OSBPL10: variants seen among roughly 807,000 people sequenced by gnomAD.
OSBPL10 encodes oxysterol binding protein like 10, also known as oxysterol-binding protein-related protein 10.
Under a neutral mutation model 81.7 loss-of-function variants are expected in OSBPL10, and 49 were observed. The observed-to-expected ratio is 0.60, with a 90% CI of 0.48 to 0.76. The LOEUF (loss-of-function observed/expected upper bound fraction) is 0.76, where lower values mean the gene tolerates loss of function less well. OSBPL10 is among the 30% of genes least tolerant of loss of function. The pLI is 0.00. For synonymous variants in OSBPL10, 419 were observed against 383.6 expected (o/e 1.09, Z -1.08); for missense variants, 923 against 987.8 (o/e 0.93, Z 0.88).
Position 31,997,900 on chromosome 3 carries a change from A to G in OSBPL10, n.298+48591T>C, listed in dbSNP as rs372974617. Among the ~76,000 whole-genome samples the G allele has an allele frequency of 6.6e-5, 10 of 151,998 alleles. No homozygotes were observed. The East Asian group carries it at 1.2e-3, about 18-fold the overall frequency. On this transcript the variant is annotated intron_variant and non_coding_transcript_variant, in intron 2 of 3. Coordinates refer to the OSBPL10 transcript ENST00000479173. ...CATCCTGGGCTCAAGCAATCCTCCC[A>G]CCTTAGCCTCCCGAGTAGCTGGGAC...
chr3:31,930,201 G>A (rs1402486066), intron 1 of OSBPL10, among the ~76,000 whole-genome samples: 1 of 151,560 alleles, frequency 6.6e-6, no homozygotes, highest in East Asian at 1.9e-4. Flanking sequence ...CACAGATAAG[G>A]ATATATATAC....
At chr3:31,934,653 C>T (rs1395607660) in intron 1 of OSBPL10, among the ~76,000 whole-genome samples, 4 of 151,258 alleles carry the variant, frequency 2.6e-5, no homozygotes, top group South Asian at 2.1e-4. Flanking sequence ...GTGATCCACC[C>T]GCCTCGGCCT....
intron 8 of OSBPL10, among the ~76,000 whole-genome samples, chr3:31,681,720 G>T (rs147410678): frequency 6.6e-6 from 1 of 151,982 alleles, no homozygotes; most frequent in Non-Finnish European, 1.5e-5. Context: ...CAGTCTCCTC[G>T]GCTGGCTGTT....
intron 1 of OSBPL10, among the ~76,000 whole-genome samples, chr3:31,919,755 A>T (rs1363264061): frequency 6.6e-6 from 1 of 152,238 alleles, no homozygotes; most frequent in Non-Finnish European, 1.5e-5. Context: ...TTTGCTGAGT[A>T]AATAGCAATC....
At chr3:31,944,980 G>A (rs555508729) in intron 1 of OSBPL10, among the ~76,000 whole-genome samples, 62 of 150,276 alleles carry the variant, frequency 4.1e-4, no homozygotes, top group Admixed American at 1.0e-3. Flanking sequence ...GTGAAACCCC[G>A]TCTCTACTAA....
intron 2 of OSBPL10, among the ~76,000 whole-genome samples, chr3:32,042,254 C>A (rs1699582774): frequency 1.3e-5 from 2 of 152,160 alleles, no homozygotes; most frequent in South Asian, 4.1e-4. Flanking sequence ...AGTTAAGGAC[C>A]CAGACATGGC....
rs529285234 is a variant in OSBPL10 at position 31,872,319 on chromosome 3, A to G, written c.537+4114T>C. Among the ~76,000 whole-genome samples, 694 of 152,356 alleles carry G rather than the reference A, an allele frequency of 4.6e-3. 2 individuals are homozygous for G. Among genetic ancestry groups the G allele is most frequent in the African/African-American group, 0.016 (645 of 41,586 alleles). ...GATGTCAGAGCAAGGACAAGAAAGCAGGAGACCCAGGTTCCAGTCTTAGCA... is the reference window on the plus strand; with the variant it reads ...GATGTCAGAGCAAGGACAAGAAAGCGGGAGACCCAGGTTCCAGTCTTAGCA... On this transcript the variant is annotated intron_variant, in intron 3 of 11. Transcript: ENST00000396556.
intron 2 of OSBPL10, among the ~76,000 whole-genome samples, chr3:32,040,544 C>T (rs920883812): frequency 7.3e-5 from 11 of 151,546 alleles, no homozygotes; most frequent in African/African-American, 2.7e-4. Context: ...GGAGTAAAGT[C>T]CAGTAGATAG....
chr3:31,892,805 A>T (rs1470307711), intron 1 of OSBPL10, among the ~76,000 whole-genome samples: 1 of 152,198 alleles, frequency 6.6e-6, no homozygotes, highest in Non-Finnish European at 1.5e-5. Context: ...TGGGAAGACC[A>T]GGGGCTCCAC....
chr3:31,781,390 T>C (rs1698691691), intron 4 of OSBPL10, among the ~76,000 whole-genome samples: 1 of 152,182 alleles, frequency 6.6e-6, no homozygotes, highest in African/African-American at 2.4e-5. Flanking sequence ...GCATTCCCCC[T>C]GAGAACTGGA....
intron 1 of OSBPL10, among the ~76,000 whole-genome samples, chr3:31,919,191 C>T (rs1403974247): frequency 6.6e-6 from 1 of 152,198 alleles, no homozygotes; most frequent in African/African-American, 2.4e-5. Flanking sequence ...TTCTTTGCCT[C>T]TTACACAGAT....
At chr3:31,798,671 A>G (rs1434746308) in intron 4 of OSBPL10, among the ~76,000 whole-genome samples, 1 of 152,124 alleles carries the variant, frequency 6.6e-6, no homozygotes, top group Non-Finnish European at 1.5e-5. Flanking sequence ...ATGCCAACAT[A>G]ATCTACCTTC....
At chr3:31,745,266 C>G (rs995002509) in intron 5 of OSBPL10, among the ~76,000 whole-genome samples, 2 of 152,170 alleles carry the variant, frequency 1.3e-5, no homozygotes, top group African/African-American at 2.4e-5. Flanking sequence ...ACTGTGCTGT[C>G]TTTAGAGGAG....
intron 1 of OSBPL10, among the ~76,000 whole-genome samples, chr3:31,924,283 G>A (rs1367905529): frequency 1.3e-5 from 2 of 151,956 alleles, no homozygotes; most frequent in South Asian, 2.1e-4. Flanking sequence ...CATTGACTCT[G>A]GAGTGGAAAA....
intron 8 of OSBPL10, among the ~76,000 whole-genome samples, chr3:31,677,344 CT>C (rs1187764956): frequency 2.0e-5 from 3 of 152,260 alleles, no homozygotes; most frequent in African/African-American, 7.2e-5. Flanking sequence ...GGGGACGCAG[CT>C]ACTGAAGGGA....
At chr3:31,928,249 G>A (rs576388807) in intron 1 of OSBPL10, among the ~76,000 whole-genome samples, 8 of 152,196 alleles carry the variant, frequency 5.3e-5, no homozygotes, top group African/African-American at 1.9e-4. Flanking sequence ...TTTAAAAAAT[G>A]GCAACACATA....
intron 1 of OSBPL10, among the ~76,000 whole-genome samples, chr3:31,920,195 A>C (rs987087997): frequency 6.6e-6 from 1 of 152,208 alleles, no homozygotes; most frequent in African/African-American, 2.4e-5. Context: ...GGGAATTTTT[A>C]GGATGGTGAA....
At chr3:31,811,543 A>G (rs1699681810) in intron 4 of OSBPL10, among the ~76,000 whole-genome samples, 2 of 152,258 alleles carry the variant, frequency 1.3e-5, no homozygotes, top group Admixed American at 1.3e-4. Context: ...TGGTGCATCC[A>G]TAGAAAATAA....
chr3:31,958,855 A>G (rs1036818076), intron 1 of OSBPL10, among the ~76,000 whole-genome samples: 7 of 152,192 alleles, frequency 4.6e-5, no homozygotes, highest in Non-Finnish European at 7.3e-5. Context: ...GGCTGCTTTT[A>G]TGCTGCCATG....
Sources: allele counts gnomAD v4.1 joint callset (sites outside exome capture counted in the v4.1 genomes callset), GRCh38; gene constraint gnomAD v4.1.1; transcripts MANE v1.5; gene names NCBI Gene and HGNC (gene_info 2026-07-23, HGNC 2026-07-21).